Variants in TTBK1 observed in about 807,000 individuals in gnomAD.
TTBK1 encodes the protein tau tubulin kinase 1, also known as tau-tubulin kinase 1.
A neutral mutation model predicts 108.5 loss-of-function variants in TTBK1; 34 were observed. That is an observed-to-expected ratio of 0.31 (90% CI 0.24 to 0.42). The LOEUF (loss-of-function observed/expected upper bound fraction) is 0.42, where lower values mean the gene tolerates loss of function less well. Ranked by LOEUF, TTBK1 falls within the 10% of genes least tolerant of loss-of-function variation. The pLI is 1.00. For synonymous variants in TTBK1, 809 were observed against 795.1 expected, an observed-to-expected ratio of 1.02 and a Z score of -0.29; for missense variants, 1,539 against 1,826.0, an observed-to-expected ratio of 0.84 and a Z score of 2.86.
At chr6:43,258,066 G>A in intron 10 of TTBK1, 100 bp downstream of exon 10, 2 of 1,372,422 alleles carry the variant, frequency 1.5e-6, no homozygotes, top group Non-Finnish European at 1.9e-6. Context: ...GGACACACTT[G>A]GCTATCTTTC....
intron 13 of TTBK1, among the ~76,000 whole-genome samples, chr6:43,280,618 G>A (rs897473564): frequency 6.6e-6 from 1 of 152,188 alleles, no homozygotes; most frequent in African/African-American, 2.4e-5. Flanking sequence ...CACTTCTTGA[G>A]GGAGTAAATG....
intron 13 of TTBK1, chr6:43,271,142 G>A (rs1777823209): frequency 1.0e-6 from 1 of 985,378 alleles, no homozygotes; most frequent in Non-Finnish European, 1.2e-6. Flanking sequence ...CCTGGGGAAT[G>A]CGGTAGTAGT....
chr6:43,269,991 G>T lies in TTBK1; in HGVS notation c.1986+6641G>T, dbSNP rs905447578. 4.2e-6 allele frequency: 6 copies of T among 1,429,114 alleles called. No individual in the cohort carries two copies. In the South Asian group the frequency reaches 7.4e-5, roughly 18 times the overall value. The allele number at this position is 1,429,114 out of a possible 1,614,324, so 88.5% of individuals were successfully genotyped here. A position where few individuals can be genotyped will look rare whatever the true frequency, so the allele number is the denominator to read the frequency against. ...CTCCTGGAGGGGGCAGGTGGGGGGGGGTGGGGAGCAGGCAGAGGACCATGG... is the reference window on the plus strand; with the variant it reads ...CTCCTGGAGGGGGCAGGTGGGGGGGTGTGGGGAGCAGGCAGAGGACCATGG... On this transcript the variant is annotated intron_variant, in intron 13 of 14. Transcript: ENST00000259750. This position sits in a 1 kb window ranked among gnomAD's most constrained non-coding sequence, Gnocchi z 4.8.
intron 13 of TTBK1, among the ~76,000 whole-genome samples, chr6:43,274,953 C>G (rs1777926078): frequency 6.6e-6 from 1 of 152,168 alleles, no homozygotes. Flanking sequence ...GACTCTCCTC[C>G]GCTTGGCTCC....
At chr6:43,270,080 G>A in intron 13 of TTBK1, 1 of 1,408,682 alleles carries the variant, frequency 7.1e-7, no homozygotes, top group Non-Finnish European at 9.2e-7. Context: ...ATGCAATACA[G>A]CCCCCCTAGA....
In TTBK1 at chr6:43,276,333, G is replaced by A. The variant is rs1481286378; in HGVS notation, c.1987-6394G>A. Among the ~76,000 whole-genome samples, 1 of 152,084 alleles carries A rather than the reference G, an allele frequency of 6.6e-6. No individual in the cohort carries two copies. Among genetic ancestry groups the A allele is most frequent in the East Asian group, 1.9e-4 (1 of 5,176 alleles). On this transcript the variant is annotated intron_variant, in intron 13 of 14. Transcript: ENST00000259750. This position sits in a 1 kb window ranked among gnomAD's most constrained non-coding sequence, Gnocchi z 5.4. ...CTTTTTTTCTTCCTCTCTCTCTCCG[G>A]GGTGCGTCCTCCTTAGTGTACATAG...
intron 13 of TTBK1, chr6:43,270,414 GGTGTGTGTGTGTGTGTGTGTGTGTGT>G: frequency 2.2e-6 from 2 of 928,058 alleles, no homozygotes; most frequent in Non-Finnish European, 2.5e-6. Flanking sequence ...CTCCTTGCAT[GGTGTGTGTGTGTGTGTGTGTGTGTGT>G]GTGTGTGTGT....
At position 43,253,734 on chromosome 6, in the gene TTBK1, CTG is replaced by C. The variant is rs760462032; in HGVS notation, c.471+28_471+29del. On this transcript the variant is annotated intron_variant, in intron 5 of 14. Transcript: ENST00000259750. The surrounding 1 kb of genome is among the most constrained non-coding windows in gnomAD (Gnocchi z 5.8). ...GTGAGTACTGCCCCCACACGCCTCTCTGTTCCCTCCTCCAGAACACACCCCTA... is the reference window on the plus strand; with the variant it reads ...GTGAGTACTGCCCCCACACGCCTCTCTTCCCTCCTCCAGAACACACCCCTA... The C allele has an allele frequency of 1.3e-6, 2 of 1,598,780 alleles. No individual in the cohort carries two copies. The highest frequency in any genetic ancestry group is 1.7e-6 in the Non-Finnish European group (2 of 1,171,796).
chr6:43,269,246 A>G lies in TTBK1; in HGVS notation c.1986+5896A>G, dbSNP rs372134131. Among the ~76,000 whole-genome samples, 955 of 152,300 alleles carry G rather than the reference A, an allele frequency of 6.3e-3. 6 individuals carry two copies. Among genetic ancestry groups the G allele is most frequent in the African/African-American group, 0.021 (875 of 41,556 alleles). On this transcript the variant is annotated intron_variant, in intron 13 of 14. Coordinates refer to ENST00000259750, the MANE Select transcript of TTBK1 (RefSeq NM_032538.3). The surrounding 1 kb of genome is among the most constrained non-coding windows in gnomAD (Gnocchi z 4.8). ...GAATCTAGCTGGGGAGACATGCCACACACAGCTGTCAACACATGGCAAGGA... is the reference window on the plus strand; with the variant it reads ...GAATCTAGCTGGGGAGACATGCCACGCACAGCTGTCAACACATGGCAAGGA...
intron 13 of TTBK1, among the ~76,000 whole-genome samples, chr6:43,275,487 G>C (rs897211528): frequency 6.6e-6 from 1 of 151,992 alleles, no homozygotes; most frequent in African/African-American, 2.4e-5. Context: ...CTGCCAGGCT[G>C]GGGTGCGGAT....
In TTBK1 at chr6:43,253,612, C is replaced by T. The variant is rs1239142019; in HGVS notation, c.375C>T (p.Thr125=). 1.2e-6 allele frequency: 2 copies of T among 1,613,434 alleles called. No individual in the cohort carries two copies. Among genetic ancestry groups the T allele is most frequent in the Admixed American group, 1.7e-5 (1 of 59,982 alleles). The part of the protein sequence containing the change: ...ADLRRSQPRG[T]FTLSTTLRLG... The stretch of plus-strand genomic sequence containing the variant: ...TGCGCCGTAGCCAGCCGCGAGGCAC[C>T]TTCACGCTGAGCACCACATTGCGGC... Residue 125 remains threonine, a synonymous_variant, in exon 5 of 15, where the codon ACC becomes ACT. Coordinates refer to ENST00000259750, the MANE Select transcript of TTBK1 (RefSeq NM_032538.3). This position sits in a 1 kb window ranked among gnomAD's most constrained non-coding sequence, Gnocchi z 5.8.
intron 13 of TTBK1, among the ~76,000 whole-genome samples, chr6:43,264,391 A>C (rs1777624467): frequency 6.6e-6 from 1 of 151,350 alleles, no homozygotes; most frequent in South Asian, 2.1e-4. Context: ...TCAAAATAAA[A>C]TAAAATAAAA....
At chr6:43,260,602 T>A (rs1777514189) in intron 12 of TTBK1, among the ~76,000 whole-genome samples, 1 of 151,826 alleles carries the variant, frequency 6.6e-6, no homozygotes, top group South Asian at 2.1e-4. Context: ...TAGCCTGGAG[T>A]CCCTCTCCCT....
chr6:43,268,291 G>C (rs1182023960), intron 13 of TTBK1, among the ~76,000 whole-genome samples: 1 of 152,224 alleles, frequency 6.6e-6, no homozygotes, highest in East Asian at 1.9e-4. Context: ...TGGCCTCTCT[G>C]GGTGGGCCTT....
At position 43,286,276 on chromosome 6, in the gene TTBK1, C is replaced by A. The variant is rs1778380392; in HGVS notation, c.*900C>A. On this transcript the variant is annotated 3_prime_UTR_variant, in exon 15 of 15. Transcript: ENST00000259750. The surrounding 1 kb of genome is among the most constrained non-coding windows in gnomAD (Gnocchi z 4.6). ...CAAAGTTTTACTCCCTCCCCTGTTC[C>A]CCTGATCTAGTGCTCAGGACCCTTC... 2 of 152,782 alleles carry A rather than the reference C, an allele frequency of 1.3e-5. No homozygotes were observed. The highest frequency in any genetic ancestry group is 4.1e-4 in the South Asian group (2 of 4,824). 9.5% of individuals were successfully genotyped at this position (152,782 alleles called of 1,614,324 possible). A position where few individuals can be genotyped will look rare whatever the true frequency, so the allele number is the denominator to read the frequency against.
chr6:43,257,784 G>C lies in TTBK1; in HGVS notation c.862-28G>C, dbSNP rs755882376. ...TGGCTAGCCCCCGGATCACCTCTCT[G>C]TCCTCCCATCACCCTCACCCCCTGC... On this transcript the variant is annotated intron_variant, in intron 9 of 14. Transcript: ENST00000259750. The surrounding 1 kb of genome is among the most constrained non-coding windows in gnomAD (Gnocchi z 4.5). 8.7e-6 allele frequency: 14 copies of C among 1,600,536 alleles called. No individual in the cohort carries two copies. The South Asian group carries it at 1.6e-4, about 18-fold the overall frequency.
At chr6:43,244,706 G>C (rs1181213174) in intron 1 of TTBK1, among the ~76,000 whole-genome samples, 1 of 152,138 alleles carries the variant, frequency 6.6e-6, no homozygotes, top group Non-Finnish European at 1.5e-5. Flanking sequence ...TATAAAATGA[G>C]AGCAGGACAC....
chr6:43,271,001 G>A (rs1264070331), intron 13 of TTBK1: 1 of 985,328 alleles, frequency 1.0e-6, no homozygotes, highest in African/African-American at 1.7e-5. Context: ...TGGACACTTG[G>A]GAGTGGGGAA....
chr6:43,283,397 C>T lies in TTBK1; in HGVS notation c.2657C>T (p.Thr886Ile). ...GSQLDVSEPG[T>I]LSSVLKSEPK... Reference sequence around the variant, plus strand: ...CAGCTGGACGTATCTGAGCCAGGCACCCTGTCCTCTGTCCTCAAGTCTGAG... The same window carrying T: ...CAGCTGGACGTATCTGAGCCAGGCATCCTGTCCTCTGTCCTCAAGTCTGAG... Residue 886 changes from threonine (T) to isoleucine (I), a missense_variant, in exon 14 of 15, where the codon ACC (threonine) becomes ATC (isoleucine). By Grantham distance (89) the Thr-to-Ile change is moderately conservative (BLOSUM62 -1). Around this residue, in one of 5 missense-constraint regions of TTBK1, gnomAD observed 1,055 missense variants for 1,086.5 expected, o/e 0.97. Coordinates refer to ENST00000259750, the MANE Select transcript of TTBK1 (RefSeq NM_032538.3). The surrounding 1 kb of genome is among the most constrained non-coding windows in gnomAD (Gnocchi z 8.1). The T allele has an allele frequency of 6.2e-7, 1 of 1,611,208 alleles. No individual in the cohort carries two copies. Among genetic ancestry groups the T allele is most frequent in the Non-Finnish European group, 8.5e-7 (1 of 1,178,684 alleles).
Sources: allele counts gnomAD v4.1 joint callset (sites outside exome capture counted in the v4.1 genomes callset), GRCh38; gene constraint gnomAD v4.1.1; regional missense constraint gnomAD v4.1.1; non-coding constraint Gnocchi (gnomAD v3.1); transcripts MANE v1.5; gene names NCBI Gene and HGNC (gene_info 2026-07-23, HGNC 2026-07-21).